Variants in ZNF521 observed in about 807,000 individuals in gnomAD.
ZNF521 encodes zinc finger protein 521, also known as LYST-interacting protein 3.
In ZNF521, 14 loss-of-function variants were observed where a neutral mutation model predicts 105.5. The ratio of observed to expected loss-of-function variants is 0.13; its 90% CI spans 0.09 to 0.21. The LOEUF (loss-of-function observed/expected upper bound fraction) is 0.21, where lower values mean the gene tolerates loss of function less well. Ranked by LOEUF, ZNF521 falls within the 10% of genes least tolerant of loss-of-function variation. The probability of loss-of-function intolerance (pLI) is 1.00; values close to 1 mark genes in which losing one functional copy is unlikely to be tolerated. For synonymous variants in ZNF521, 635 were observed against 606.0 expected, an observed-to-expected ratio of 1.05 and a Z score of -0.70; for missense variants, 1,233 against 1,629.7, an observed-to-expected ratio of 0.76 and a Z score of 4.19.
At position 25,183,187 on chromosome 18, in the gene ZNF521, T is replaced by G. The variant is rs141588723; in HGVS notation, c.3658+11973A>C. ...TCAATATACTATATCCTAATTTGAT[T>G]TGATAATATGCTATGAATGGACTAT... is the stretch of plus-strand genomic sequence containing the variant. On this transcript the variant is annotated intron_variant, in intron 5 of 7. Transcript: ENST00000361524. Among the ~76,000 whole-genome samples, 495 of 152,300 alleles carry G rather than the reference T, an allele frequency of 3.3e-3. 2 individuals are homozygous for G. Among genetic ancestry groups the G allele is most frequent in the African/African-American group, 0.01 (429 of 41,570 alleles).
chr18:25,078,413 C>T lies in ZNF521; in HGVS notation c.3906+11052G>A, dbSNP rs147216500. On this transcript the variant is annotated intron_variant, in intron 7 of 7. Coordinates refer to ENST00000361524, the MANE Select transcript of ZNF521 (RefSeq NM_015461.3). Reference sequence around the variant, plus strand: ...CCCAAGAAAACCTGGACAGTGAACACGGCCATTCTTGCCCTACTTTTCCTT... The same window carrying T: ...CCCAAGAAAACCTGGACAGTGAACATGGCCATTCTTGCCCTACTTTTCCTT... 2.6e-5 allele frequency among the ~76,000 whole-genome samples: 4 copies of T among 152,224 alleles called. No homozygotes were observed. The East Asian group carries it at 5.8e-4, about 22-fold the overall frequency.
intron 3 of ZNF521, among the ~76,000 whole-genome samples, chr18:25,320,399 G>A (rs1912874236): frequency 6.6e-6 from 1 of 152,154 alleles, no homozygotes; most frequent in Admixed American, 6.5e-5. Context: ...TTGAACTCCT[G>A]ACCTCAGATG....
At chr18:25,290,924 T>C (rs1168421744) in intron 3 of ZNF521, among the ~76,000 whole-genome samples, 1 of 152,136 alleles carries the variant, frequency 6.6e-6, no homozygotes, top group Non-Finnish European at 1.5e-5. Context: ...GATGGGTAAA[T>C]GAATTCATTT....
At chr18:25,142,333 TTTAAAA>T (rs2034864920) in intron 5 of ZNF521, among the ~76,000 whole-genome samples, 2 of 152,168 alleles carry the variant, frequency 1.3e-5, no homozygotes, top group African/African-American at 4.8e-5. Flanking sequence ...ACTACTGACT[TTTAAAA>T]TTAATTTTAA....
chr18:25,072,611 T>C (rs957987162), intron 7 of ZNF521, among the ~76,000 whole-genome samples: 3 of 152,184 alleles, frequency 2.0e-5, no homozygotes, highest in African/African-American at 7.2e-5. Context: ...AGTACGATGT[T>C]TATTTTTAAA....
chr18:25,173,902 C>T (rs1485156190), intron 5 of ZNF521, among the ~76,000 whole-genome samples: 3 of 152,172 alleles, frequency 2.0e-5, no homozygotes, highest in Non-Finnish European at 4.4e-5. Context: ...CAATAATACT[C>T]TGTAAAATAT....
chr18:25,174,769 C>A (rs980227497), intron 5 of ZNF521, among the ~76,000 whole-genome samples: 16 of 152,126 alleles, frequency 1.1e-4, no homozygotes, highest in African/African-American at 3.9e-4. Context: ...CTGCTCTGAC[C>A]CCCATGCAAA....
At chr18:25,249,242 G>A (rs936596944) in intron 3 of ZNF521, among the ~76,000 whole-genome samples, 4 of 150,904 alleles carry the variant, frequency 2.7e-5, no homozygotes, top group African/African-American at 9.8e-5. Context: ...TGCAAGCTCC[G>A]CCTCCTGGGT....
intron 5 of ZNF521, among the ~76,000 whole-genome samples, chr18:25,116,227 C>A (rs571323940): frequency 6.6e-6 from 1 of 151,994 alleles, no homozygotes; most frequent in South Asian, 2.1e-4. Context: ...TGATCAGGGG[C>A]AATCTGAACT....
chr18:25,259,351 T>C (rs922570040), intron 3 of ZNF521, among the ~76,000 whole-genome samples: 3 of 152,120 alleles, frequency 2.0e-5, no homozygotes, highest in Non-Finnish European at 4.4e-5. Context: ...AGGCAGCCCT[T>C]TGATTCAATT....
intron 5 of ZNF521, among the ~76,000 whole-genome samples, chr18:25,125,877 A>G (rs1347890356): frequency 1.3e-5 from 2 of 152,046 alleles, no homozygotes; most frequent in African/African-American, 2.4e-5. Flanking sequence ...GAATTTGGCC[A>G]TTACTCAAGT....
rs374596869 is a variant in ZNF521, at chr18:25,186,422, G to A, written c.3658+8738C>T. 1.5e-4 allele frequency among the ~76,000 whole-genome samples: 23 copies of A among 152,236 alleles called. No homozygotes were observed. In the South Asian group the frequency reaches 2.1e-3, roughly 14 times the overall value. On this transcript the variant is annotated intron_variant, in intron 5 of 7. Coordinates refer to ENST00000361524, the MANE Select transcript of ZNF521 (RefSeq NM_015461.3). Reference sequence around the variant, plus strand: ...TTCATTTGTATTATAGAACACCTCCGAGTATCTAAGCTTTTTCTAACAAAA... The same window carrying A: ...TTCATTTGTATTATAGAACACCTCCAAGTATCTAAGCTTTTTCTAACAAAA...
intron 6 of ZNF521, 96 bp from the exon 7 acceptor site, chr18:25,089,676 C>T (rs925773182): frequency 1.6e-5 from 15 of 936,060 alleles, no homozygotes; most frequent in Non-Finnish European, 2.4e-5. Flanking sequence ...CCGGACAGCA[C>T]GCCTCCCAGG....
chr18:25,170,631 GATTA>G (rs2035432453), intron 5 of ZNF521, among the ~76,000 whole-genome samples: 2 of 152,072 alleles, frequency 1.3e-5, no homozygotes, highest in Non-Finnish European at 1.5e-5. Flanking sequence ...ACACTTAGTT[GATTA>G]ATGCTTCAGT....
At chr18:25,075,554 T>C (rs187305331) in intron 7 of ZNF521, among the ~76,000 whole-genome samples, 57 of 152,304 alleles carry the variant, frequency 3.7e-4, no homozygotes, top group African/African-American at 1.3e-3. Flanking sequence ...CATCTGGCAG[T>C]ACATAAATGA....
intron 5 of ZNF521, among the ~76,000 whole-genome samples, chr18:25,164,693 A>C (rs573967111): frequency 6.6e-6 from 1 of 152,280 alleles, no homozygotes; most frequent in South Asian, 2.1e-4. Context: ...TGTGTGAAAA[A>C]GGAAGGAAAA....
chr18:25,333,393 G>GAA (rs1395666606), intron 2 of ZNF521, among the ~76,000 whole-genome samples: 1 of 151,726 alleles, frequency 6.6e-6, no homozygotes, highest in Non-Finnish European at 1.5e-5. Context: ...AGGGTGGGCA[G>GAA]AAGGGCCAGG....
chr18:25,266,891 C>T (rs1909297709), intron 3 of ZNF521, among the ~76,000 whole-genome samples: 1 of 152,040 alleles, frequency 6.6e-6, no homozygotes, highest in African/African-American at 2.4e-5. Flanking sequence ...TCTTTTTTTC[C>T]ATATCCCAGT....
chr18:25,127,217 G>T (rs1364645922), intron 5 of ZNF521, among the ~76,000 whole-genome samples: 1 of 151,908 alleles, frequency 6.6e-6, no homozygotes. Context: ...TGGATATAAA[G>T]GTCAGGTTGT....
Sources: allele counts gnomAD v4.1 joint callset (sites outside exome capture counted in the v4.1 genomes callset), GRCh38; gene constraint gnomAD v4.1.1; transcripts MANE v1.5; gene names NCBI Gene and HGNC (gene_info 2026-07-23, HGNC 2026-07-21).